The following MIDN variants were observed in gnomAD, a reference collection of about 807,000 sequenced individuals.
The protein encoded by MIDN is midbrain nucleolar protein.
Under a neutral mutation model 46.1 loss-of-function variants are expected in MIDN, and 26 were observed. The observed-to-expected ratio is 0.56, with a 90% CI of 0.41 to 0.78. MIDN has a LOEUF of 0.78. Ranked by LOEUF, MIDN falls within the 30% of genes least tolerant of loss-of-function variation. The pLI is 0.00. For synonymous variants in MIDN, 432 were observed against 343.3 expected (o/e 1.26, Z -2.86); for missense variants, 850 against 771.8 (o/e 1.10, Z -1.20).
rs770532270 is a variant in MIDN at position 1,255,536 on chromosome 19, C to A, written c.1100C>A (p.Pro367His). ...LSATRHYQGM[P>H]PSLAQLRCHA... ...GCCACCCGGCACTACCAGGGCATGC[C>A]CCCTTCGCTGGCCCAGCTCCGCTGC... is the stretch of plus-strand genomic sequence containing the variant. The change falls in exon 8 of 9, where the codon CCC (proline) becomes CAC (histidine). Residue 367 changes from proline to histidine, a missense_variant. Transcript: ENST00000682408. The A allele has an allele frequency of 6.2e-7, 1 of 1,611,980 alleles. No individual in the cohort carries two copies. The highest frequency in any genetic ancestry group is 8.5e-7 in the Non-Finnish European group (1 of 1,179,596).
In MIDN at chr19:1,257,872, T is replaced by A. The variant is rs1449988564; in HGVS notation, c.*600T>A. ...CACAGAAGCCAACGAGGGGACTGTT[T>A]CTCTTCCACTCCTATCCTCTTTTCT... On this transcript the variant is annotated 3_prime_UTR_variant, in exon 9 of 9. Coordinates refer to ENST00000682408, the MANE Select transcript of MIDN (RefSeq NM_001388306.1). The A allele has an allele frequency of 3.6e-4, 55 of 152,172 alleles. 1 individual carries two copies. 9.4% of individuals were successfully genotyped at this position (152,172 alleles called of 1,614,324 possible).
rs2081222713 is a variant in MIDN at position 1,258,033 on chromosome 19, A to ACCCCCCCAGCCTGCC, written c.*761_*762insCCCCCCCAGCCTGCC. ...CTTTCCTGTCGGGAAGGGAGAGGGG[A>ACCCCCCCAGCCTGCC]ACTACCCCCCCAGCCTGCCCTCCGC... On this transcript the variant is annotated 3_prime_UTR_variant, in exon 9 of 9. Transcript: ENST00000682408. The ACCCCCCCAGCCTGCC allele has an allele frequency of 6.6e-6, 1 of 152,198 alleles. No individual in the cohort carries two copies. The highest frequency in any genetic ancestry group is 6.6e-5 in the Admixed American group (1 of 15,252). The allele number at this position is 152,198 out of a possible 1,614,324, so 9.4% of individuals were successfully genotyped here. A position where few individuals can be genotyped will look rare whatever the true frequency, so the allele number is the denominator to read the frequency against.
At position 1,254,236 on chromosome 19, in the gene MIDN, G is replaced by A. The variant is rs1259544499; in HGVS notation, c.583G>A (p.Val195Met). The A allele has an allele frequency of 7.5e-6, 12 of 1,596,440 alleles. No individual in the cohort carries two copies. The highest frequency in any genetic ancestry group is 2.2e-5 in the South Asian group (2 of 90,336). ...ALRVGDHMMF[V>M]QLQLAAQHAP... The stretch of plus-strand genomic sequence containing the variant: ...GCGTGTGGGCGACCACATGATGTTC[G>A]TGCAGCTGCAGCTCGCGGCCCAGCA... The change falls in exon 6 of 9, where the codon GTG (valine) becomes ATG (methionine). Residue 195 changes from valine (V) to methionine (M), a missense_variant. Val to Met is a conservative substitution (Grantham distance 21). Transcript: ENST00000682408.
At position 1,253,946 on chromosome 19, in the gene MIDN, C is replaced by A. The variant is rs1240390738; in HGVS notation, c.385-8C>A. The A allele has an allele frequency of 1.4e-6, 2 of 1,385,928 alleles. No individual in the cohort carries two copies. The highest frequency in any genetic ancestry group is 3.0e-5 in the East Asian group (1 of 33,858). The allele number at this position is 1,385,928 out of a possible 1,614,324, so 85.9% of individuals were successfully genotyped here. A position where few individuals can be genotyped will look rare whatever the true frequency, so the allele number is the denominator to read the frequency against. ...AGGCCCCCGTCTGACCCGCCTCTGT[C>A]CCCACAGCCCCCAGCGGCGCCCGGG... On this transcript the variant is annotated splice_polypyrimidine_tract_variant and splice_region_variant and intron_variant, in intron 4 of 8. Coordinates refer to ENST00000682408, the MANE Select transcript of MIDN (RefSeq NM_001388306.1).
At chr19:1,252,243 C>G (rs937074176) in intron 4 of MIDN, among the ~76,000 whole-genome samples, 1 of 152,250 alleles carries the variant, frequency 6.6e-6, no homozygotes, top group Non-Finnish European at 1.5e-5. Flanking sequence ...AGGAGCCCCC[C>G]TCCAGCCGCT....
In MIDN at chr19:1,255,364, G is replaced by A. The variant is rs914991508; in HGVS notation, c.986-58G>A. 6.6e-6 allele frequency: 10 copies of A among 1,514,228 alleles called. No homozygotes were observed. The East Asian group carries it at 7.3e-5, about 11-fold the overall frequency. The allele number at this position is 1,514,228 out of a possible 1,614,324, so 93.8% of individuals were successfully genotyped here. ...CATGAGCTCACACCCGTGGACGCCCGTCCTGGACATGCGGGACTGTGCCCG... is the reference window on the plus strand; with the variant it reads ...CATGAGCTCACACCCGTGGACGCCCATCCTGGACATGCGGGACTGTGCCCG... On this transcript the variant is annotated intron_variant, in intron 7 of 8. Coordinates refer to ENST00000682408, the MANE Select transcript of MIDN (RefSeq NM_001388306.1).
chr19:1,254,191 T>C lies in MIDN; in HGVS notation c.538T>C (p.Ser180Pro). The C allele has an allele frequency of 6.3e-7, 1 of 1,598,536 alleles. No homozygotes were observed. The highest frequency in any genetic ancestry group is 8.5e-7 in the Non-Finnish European group (1 of 1,177,760). ...GGTCAGTGACTTCCTGTCGGGCCGTTCGCCACTGACACTGGCCTTGCGTGT... is the reference window on the plus strand; with the variant it reads ...GGTCAGTGACTTCCTGTCGGGCCGTCCGCCACTGACACTGGCCTTGCGTGT... ...PQVSDFLSGR[S>P]PLTLALRVGD... The change falls in exon 6 of 9, where the codon TCG (serine) becomes CCG (proline). Residue 180 changes from serine to proline, a missense_variant. Ser to Pro is a moderately conservative substitution (Grantham distance 74). Transcript: ENST00000682408.
At position 1,254,786 on chromosome 19, in the gene MIDN, A is replaced by C. The variant is rs1046883879; in HGVS notation, c.826-116A>C. ...TGACCTTGGGCTAGTTTATCTCTAA[A>C]CCCTGTGTTGACAGGTCATCTCCTG... On this transcript the variant is annotated intron_variant, in intron 6 of 8. Transcript: ENST00000682408. 70 of 1,240,894 alleles carry C rather than the reference A, an allele frequency of 5.6e-5. No individual in the cohort carries two copies. The African/African-American group carries it at 9.4e-4, about 17-fold the overall frequency. 76.9% of individuals were successfully genotyped at this position (1,240,894 alleles called of 1,614,324 possible).
intron 5 of MIDN, 34 bp from the exon 6 acceptor site, chr19:1,254,133 G>A (rs773407580): frequency 6.4e-7 from 1 of 1,574,490 alleles, no homozygotes; most frequent in South Asian, 1.1e-5. Flanking sequence ...GCCGCAAGCT[G>A]GGGCTCCCAG....
chr19:1,254,756 C>T (rs1485849410), intron 6 of MIDN, 146 bp from the exon 7 acceptor site: 8 of 993,566 alleles, frequency 8.1e-6, no homozygotes, highest in East Asian at 2.4e-5. Flanking sequence ...TTGGTTGTGA[C>T]CTCGTGACCT....
Position 1,254,269 on chromosome 19 carries a change from C to T in MIDN, c.616C>T (p.Leu206=). The part of the protein sequence containing the change: ...QLQLAAQHAP[L]QHRHVLAAAA... ...GCAGCTCGCGGCCCAGCACGCTCCACTGCAACACCGCCATGTGCTGGCCGC... is the reference window on the plus strand; with the variant it reads ...GCAGCTCGCGGCCCAGCACGCTCCATTGCAACACCGCCATGTGCTGGCCGC... Residue 206 remains leucine (L), a synonymous_variant, in exon 6 of 9, where the codon CTG becomes TTG. Coordinates refer to ENST00000682408, the MANE Select transcript of MIDN (RefSeq NM_001388306.1). 1 of 1,586,420 alleles carries T rather than the reference C, an allele frequency of 6.3e-7. No individual in the cohort carries two copies. Among genetic ancestry groups the T allele is most frequent in the East Asian group, 2.3e-5 (1 of 44,110 alleles).
intron 2 of MIDN, 68 bp from the exon 3 acceptor site, chr19:1,251,494 C>G (rs1349058675): frequency 4.9e-6 from 7 of 1,429,948 alleles, no homozygotes; most frequent in Non-Finnish European, 6.7e-6. Context: ...AGCCCTCCCC[C>G]GCGGCCTCTG....
intron 1 of MIDN, 121 bp from the exon 2 acceptor site, chr19:1,249,769 C>T (rs2145482779): frequency 6.6e-6 from 1 of 150,792 alleles, no homozygotes; most frequent in South Asian, 2.1e-4. Flanking sequence ...GGGCGCTCGG[C>T]GCGCGGCGAT....
chr19:1,250,375 G>C lies in MIDN; in HGVS notation c.79G>C (p.Glu27Gln). The change falls in exon 2 of 9, where the codon GAG (glutamate) becomes CAG (glutamine). Residue 27 changes from glutamate to glutamine, a missense_variant. Physicochemically the swap from Glu to Gln is conservative, Grantham distance 29. Coordinates refer to ENST00000682408, the MANE Select transcript of MIDN (RefSeq NM_001388306.1). ...CGCCTGCGAGCTGGGCCCGGCGGCC[G>C]AGGCGGCGCCCATGAGCCTCGCCAT... is the stretch of plus-strand genomic sequence containing the variant. ...GGACELGPAA[E>Q]AAPMSLAIHS... 3 of 1,173,494 alleles carry C rather than the reference G, an allele frequency of 2.6e-6. No homozygotes were observed. The highest frequency in any genetic ancestry group is 3.2e-6 in the Non-Finnish European group (3 of 938,734). The allele number at this position is 1,173,494 out of a possible 1,614,324, so 72.7% of individuals were successfully genotyped here. A position where few individuals can be genotyped will look rare whatever the true frequency, so the allele number is the denominator to read the frequency against.
intron 1 of MIDN, among the ~76,000 whole-genome samples, chr19:1,249,661 G>C (rs1257274940): frequency 6.9e-6 from 1 of 145,018 alleles, no homozygotes; most frequent in Non-Finnish European, 1.5e-5. Flanking sequence ...CGCTCCCCTT[G>C]GTCGCCTGGG....
chr19:1,254,769 G>C, intron 6 of MIDN, 133 bp from the exon 7 acceptor site: 2 of 1,103,596 alleles, frequency 1.8e-6, no homozygotes, highest in Non-Finnish European at 2.6e-6. Context: ...CGTGACCTTG[G>C]GCTAGTTTAT....
chr19:1,252,868 G>T (rs1203407833), intron 4 of MIDN, among the ~76,000 whole-genome samples: 1 of 152,130 alleles, frequency 6.6e-6, no homozygotes, highest in Non-Finnish European at 1.5e-5. Flanking sequence ...GCAGTGGCGT[G>T]GGGGCAGAGC....
At chr19:1,250,884 C>T (rs2081117856) in intron 2 of MIDN, among the ~76,000 whole-genome samples, 1 of 152,070 alleles carries the variant, frequency 6.6e-6, no homozygotes, top group Non-Finnish European at 1.5e-5. Context: ...GCCTCCTCTG[C>T]GTCTGGCTGT....
intron 1 of MIDN, among the ~76,000 whole-genome samples, chr19:1,248,926 G>A (rs1304375084): frequency 3.9e-5 from 6 of 151,976 alleles, no homozygotes; most frequent in African/African-American, 1.2e-4. Flanking sequence ...CCGTTGCCCA[G>A]CCACACGGTC....
Sources: allele counts gnomAD v4.1 joint callset (sites outside exome capture counted in the v4.1 genomes callset), GRCh38; gene constraint gnomAD v4.1.1; transcripts MANE v1.5; gene names NCBI Gene and HGNC (gene_info 2026-07-23, HGNC 2026-07-21).